Variants in FSTL5 observed in about 807,000 individuals in gnomAD.
FSTL5 encodes follistatin like 5.
A neutral mutation model predicts 89.1 loss-of-function variants in FSTL5; 62 were observed. That is an observed-to-expected ratio of 0.70 (90% CI 0.57 to 0.86). The LOEUF (loss-of-function observed/expected upper bound fraction) is 0.86, where lower values mean the gene tolerates loss of function less well. FSTL5 is among the 40% of genes least tolerant of loss of function. The pLI is 0.00. For missense variants in FSTL5, 1,057 were observed against 1,001.6 expected (o/e 1.06, Z -0.75); for synonymous variants, 383 against 346.2 (o/e 1.11, Z -1.18).
intron 6 of FSTL5, among the ~76,000 whole-genome samples, chr4:161,669,134 A>AAAATC: frequency 6.7e-6 from 1 of 150,276 alleles, no homozygotes; most frequent in South Asian, 2.1e-4. Flanking sequence ...AAAATAAAAT[A>AAAATC]AAATAAAAGA....
chr4:161,731,951 C>G (rs147262039), intron 6 of FSTL5, among the ~76,000 whole-genome samples: 422 of 152,080 alleles, frequency 2.8e-3, no homozygotes, highest in African/African-American at 9.6e-3. Context: ...AATAAAACTG[C>G]TATAAACATA....
intron 15 of FSTL5, among the ~76,000 whole-genome samples, chr4:161,404,186 A>G (rs62325018): frequency 0.039 from 5,904 of 152,280 alleles, 152 homozygotes; most frequent in Non-Finnish European, 0.06. Context: ...ATGAGGAGAA[A>G]CAGCTAAGCA....
chr4:161,786,293 G>A (rs1236819189), intron 4 of FSTL5, among the ~76,000 whole-genome samples: 1 of 152,020 alleles, frequency 6.6e-6, no homozygotes, highest in Non-Finnish European at 1.5e-5. Flanking sequence ...TTCATAGCAT[G>A]TTACACTGGG....
At position 162,139,525 on chromosome 4, in the gene FSTL5, A is replaced by G. The variant is rs547722861; in HGVS notation, c.-17+24090T>C. Among the ~76,000 whole-genome samples, 479 of 152,134 alleles carry G rather than the reference A, an allele frequency of 3.1e-3. 4 individuals are homozygous for G. The highest frequency in any genetic ancestry group is 9.3e-3 in the African/African-American group (385 of 41,544). ...ACCACATTAGGCGAAAGTTAGAGGC[A>G]GCATACATAAAATTTTACCTTTTTC... On this transcript the variant is annotated intron_variant, in intron 1 of 15. Coordinates refer to ENST00000306100, the MANE Select transcript of FSTL5 (RefSeq NM_020116.5).
chr4:161,956,749 C>A (rs552818765), intron 3 of FSTL5, among the ~76,000 whole-genome samples: 1 of 151,736 alleles, frequency 6.6e-6, no homozygotes, highest in East Asian at 1.9e-4. Flanking sequence ...AAAATATATA[C>A]GAAATAATGC....
intron 8 of FSTL5, chr4:161,552,529 A>T (rs1012022454): frequency 1.3e-5 from 2 of 151,860 alleles, no homozygotes; most frequent in South Asian, 2.1e-4. Flanking sequence ...TTTAGATGAG[A>T]TGTTCAATTT....
intron 6 of FSTL5, among the ~76,000 whole-genome samples, chr4:161,713,093 T>C (rs938366756): frequency 2.6e-5 from 4 of 152,164 alleles, no homozygotes; most frequent in African/African-American, 7.2e-5. Flanking sequence ...TTCAGAGGTA[T>C]AGGGCATAGT....
At chr4:161,797,504 T>C (rs185376154) in intron 4 of FSTL5, among the ~76,000 whole-genome samples, 2 of 151,790 alleles carry the variant, frequency 1.3e-5, no homozygotes, top group Admixed American at 1.3e-4. Flanking sequence ...ACTACACTTG[T>C]AGTCTTAGCC....
intron 3 of FSTL5, among the ~76,000 whole-genome samples, chr4:161,982,842 G>T (rs7675218): frequency 3.3e-5 from 5 of 151,996 alleles, no homozygotes; most frequent in South Asian, 2.1e-4. Context: ...TTCTTTCGAA[G>T]TTAAGATTTT....
At chr4:161,973,249 G>A (rs971439264) in intron 3 of FSTL5, among the ~76,000 whole-genome samples, 1 of 152,140 alleles carries the variant, frequency 6.6e-6, no homozygotes, top group African/African-American at 2.4e-5. Context: ...ACAAAGAAAG[G>A]TGACATAGGT....
chr4:162,151,767 G>A (rs762277203), intron 1 of FSTL5, among the ~76,000 whole-genome samples: 18 of 152,090 alleles, frequency 1.2e-4, no homozygotes, highest in Admixed American at 6.6e-5. Context: ...AAACAGTGTG[G>A]CTTCTTCAAA....
intron 15 of FSTL5, among the ~76,000 whole-genome samples, chr4:161,415,386 G>C (rs949350573): frequency 6.6e-6 from 1 of 151,960 alleles, no homozygotes; most frequent in Non-Finnish European, 1.5e-5. Context: ...TTCCTGAGTG[G>C]CTTGGGTTAC....
intron 2 of FSTL5, among the ~76,000 whole-genome samples, chr4:162,054,281 T>C (rs1395463010): frequency 6.6e-6 from 1 of 151,766 alleles, no homozygotes; most frequent in Non-Finnish European, 1.5e-5. Flanking sequence ...AGTAACACTC[T>C]ATTGAGAACA....
chr4:161,598,366 C>A (rs1361726494), intron 7 of FSTL5, among the ~76,000 whole-genome samples: 3 of 138,372 alleles, frequency 2.2e-5, no homozygotes, highest in African/African-American at 8.2e-5. Flanking sequence ...CAGAGTGAGA[C>A]CCTGTCTCAA....
intron 6 of FSTL5, among the ~76,000 whole-genome samples, chr4:161,734,064 T>C (rs1739708990): frequency 6.6e-6 from 1 of 152,132 alleles, no homozygotes; most frequent in African/African-American, 2.4e-5. Flanking sequence ...TAAGCTCCAT[T>C]TCATATTCAA....
At chr4:161,822,049 C>T (rs1169644353) in intron 4 of FSTL5, among the ~76,000 whole-genome samples, 1 of 152,058 alleles carries the variant, frequency 6.6e-6, no homozygotes, top group African/African-American at 2.4e-5. Context: ...ACATTCCCAC[C>T]AGCAATGTAA....
chr4:162,027,326 TTTAC>T (rs1282168478), intron 3 of FSTL5, among the ~76,000 whole-genome samples: 2 of 152,142 alleles, frequency 1.3e-5, no homozygotes, highest in African/African-American at 4.8e-5. Context: ...ATTTACTTAA[TTTAC>T]TTAATTTTCT....
At chr4:161,509,512 A>G (rs1418226365) in intron 11 of FSTL5, among the ~76,000 whole-genome samples, 3 of 152,124 alleles carry the variant, frequency 2.0e-5, no homozygotes, top group East Asian at 3.9e-4. Flanking sequence ...GAAAAAAAAA[A>G]TAAGTGGACT....
intron 15 of FSTL5, among the ~76,000 whole-genome samples, chr4:161,415,719 A>ATGGGAGATATATATATCATAC (rs1731752631): frequency 6.7e-6 from 1 of 148,704 alleles, no homozygotes; most frequent in South Asian, 2.1e-4. Flanking sequence ...ATATATATAT[A>ATGGGAGATATATATATCATAC]TGGGAGATAT....
Sources: gnomAD v4.1 joint callset for allele counts (sites outside exome capture counted in the v4.1 genomes callset) on GRCh38, gnomAD v4.1.1 for gene constraint, MANE v1.5 for transcripts, NCBI Gene and HGNC (gene_info 2026-07-23, HGNC 2026-07-21) for gene names.